Variants in KLHL25 observed in about 807,000 individuals in gnomAD.
The protein encoded by KLHL25 is kelch like family member 25.
Under a neutral mutation model 30.0 loss-of-function variants are expected in KLHL25, and 41 were observed. The observed-to-expected ratio is 1.37, with a 90% CI of 1.07 to 1.78. The LOEUF (loss-of-function observed/expected upper bound fraction) is 1.78. KLHL25 is among the 40% of genes most tolerant of loss of function. The pLI, the probability that KLHL25 is intolerant of heterozygous loss-of-function variation, is 0.00. For missense variants in KLHL25, 971 were observed against 824.5 expected, an observed-to-expected ratio of 1.18 and a Z score of -2.18; for synonymous variants, 399 against 355.3, an observed-to-expected ratio of 1.12 and a Z score of -1.38.
rs1205860725 is a variant in KLHL25 at position 85,768,055 on chromosome 15, G to A, written c.1756C>T (p.His586Tyr). 3 of 1,611,022 alleles carry A rather than the reference G, an allele frequency of 1.9e-6. No individual in the cohort carries two copies. The highest frequency in any genetic ancestry group is 2.2e-5 in the East Asian group (1 of 44,784). ...GCAGGTGCTCCTCACGCGGGCAGGTGCTTCCAGGTGCTGACAAAGGCCGTG... is the reference window on the plus strand; with the variant it reads ...GCAGGTGCTCCTCACGCGGGCAGGTACTTCCAGGTGCTGACAAAGGCCGTG... ...IPTAFVSTWK[H>Y]LPA Residue 586 changes from histidine (H) to tyrosine (Y), a missense_variant, in exon 2 of 3, where the codon CAC (histidine) becomes TAC (tyrosine). His to Tyr is a moderately conservative substitution (Grantham distance 83). Coordinates refer to ENST00000337975, the MANE Select transcript of KLHL25 (RefSeq NM_022480.4).
intron 1 of KLHL25, among the ~76,000 whole-genome samples, chr15:85,777,101 T>C (rs974391308): frequency 6.6e-6 from 1 of 152,202 alleles, no homozygotes; most frequent in African/African-American, 2.4e-5. Context: ...CCATGCCTCC[T>C]GCACAGGAAT....
In KLHL25 at chr15:85,769,364, G is replaced by C. The variant is rs371605505; in HGVS notation, c.447C>G (p.Cys149Trp). The C allele has an allele frequency of 6.2e-7, 1 of 1,614,174 alleles. No individual in the cohort carries two copies. Among genetic ancestry groups the C allele is most frequent in the Non-Finnish European group, 8.5e-7 (1 of 1,180,034 alleles). ...FLEKNLFPSN[C>W]LGMMLLSDAH... is the part of the protein sequence containing the mutation. ...CGTCCGAGAGCAGCATCATGCCCAG[G>C]CAGTTGGAGGGGAAAAGGTTCTTCT... Residue 149 changes from cysteine (C) to tryptophan (W), a missense_variant, in exon 2 of 3, where the codon TGC (cysteine) becomes TGG (tryptophan). Coordinates refer to ENST00000337975, the MANE Select transcript of KLHL25 (RefSeq NM_022480.4).
chr15:85,767,319 C>T lies in KLHL25; in HGVS notation c.*24+698G>A, dbSNP rs2089631688. Among the ~76,000 whole-genome samples, 6 of 152,036 alleles carry T rather than the reference C, an allele frequency of 3.9e-5. No individual in the cohort carries two copies. The South Asian group carries it at 1.2e-3, about 32-fold the overall frequency. The stretch of plus-strand genomic sequence containing the variant: ...TGACTTTCACATTGCCCAGGCTGGT[C>T]TTGAATTGGGCTCAAGCCATCTGCC... On this transcript the variant is annotated intron_variant, in intron 2 of 2. Coordinates refer to ENST00000337975, the MANE Select transcript of KLHL25 (RefSeq NM_022480.4).
chr15:85,773,956 C>T (rs1029905559), intron 1 of KLHL25, among the ~76,000 whole-genome samples: 13 of 152,162 alleles, frequency 8.5e-5, no homozygotes, highest in African/African-American at 3.1e-4. Context: ...TGTGTCCCTC[C>T]ACCCCTTCCA....
intron 2 of KLHL25, chr15:85,764,205 C>T (rs999606206): frequency 1.3e-5 from 2 of 152,324 alleles, no homozygotes; most frequent in African/African-American, 4.8e-5. Flanking sequence ...GAGAGCCCAG[C>T]TCACTCCCTG....
chr15:85,780,267 A>G (rs773194910), intron 1 of KLHL25, among the ~76,000 whole-genome samples: 6 of 152,204 alleles, frequency 3.9e-5, no homozygotes, highest in South Asian at 2.1e-4. Flanking sequence ...GGGACAAAGA[A>G]CTCAGCACTC....
chr15:85,770,525 G>C (rs375109488), intron 1 of KLHL25: 4 of 534,314 alleles, frequency 7.5e-6, no homozygotes, highest in Admixed American at 3.9e-5. Flanking sequence ...GTGCTCAGTG[G>C]AGACATGTTC....
At chr15:85,761,886 A>G (rs2151803803) in intron 2 of KLHL25, 1 of 152,372 alleles carries the variant, frequency 6.6e-6, no homozygotes, top group African/African-American at 2.4e-5. Context: ...GTTGTGTAAG[A>G]ACAAGAACAT....
At chr15:85,791,609 G>A (rs1296964040) in intron 1 of KLHL25, among the ~76,000 whole-genome samples, 2 of 152,224 alleles carry the variant, frequency 1.3e-5, no homozygotes, top group South Asian at 4.2e-4. Context: ...AGAGTGGCAA[G>A]AGAGGTAGGG....
intron 2 of KLHL25, among the ~76,000 whole-genome samples, chr15:85,766,751 C>T (rs946458361): frequency 2.6e-5 from 4 of 152,228 alleles, no homozygotes; most frequent in Admixed American, 2.0e-4. Context: ...CAGACACTCG[C>T]TCTGCAGGAA....
intron 1 of KLHL25, among the ~76,000 whole-genome samples, chr15:85,774,160 G>A (rs142162676): frequency 1.3e-5 from 2 of 152,254 alleles, no homozygotes; most frequent in African/African-American, 2.4e-5. Context: ...GCCTCCCTGT[G>A]CCCATGGCTC....
intron 1 of KLHL25, among the ~76,000 whole-genome samples, chr15:85,773,022 T>C (rs940422905): frequency 3.9e-5 from 6 of 152,222 alleles, no homozygotes; most frequent in Admixed American, 6.5e-5. Context: ...TGGCAGCCAC[T>C]CACTCACCGA....
intron 2 of KLHL25, 28 bp downstream of exon 2, chr15:85,767,989 G>C: frequency 6.8e-7 from 1 of 1,460,426 alleles, no homozygotes; most frequent in East Asian, 2.3e-5. Flanking sequence ...TCCGGACCCA[G>C]AGTGGCCGTG....
chr15:85,784,553 A>AAT (rs1367920330), intron 1 of KLHL25, among the ~76,000 whole-genome samples: 2 of 146,090 alleles, frequency 1.4e-5, no homozygotes, highest in Non-Finnish European at 3.1e-5. Flanking sequence ...AAAATAAAAA[A>AAT]AAAAGCAGAG....
At chr15:85,791,472 G>A (rs1445052841) in intron 1 of KLHL25, among the ~76,000 whole-genome samples, 1 of 152,212 alleles carries the variant, frequency 6.6e-6, no homozygotes, top group Non-Finnish European at 1.5e-5. Context: ...TCCAGCCTGG[G>A]CGACAGAGCG....
In KLHL25 at chr15:85,768,220, A is replaced by G; in HGVS notation, c.1591T>C (p.Cys531Arg). The G allele has an allele frequency of 1.9e-6, 3 of 1,614,196 alleles. No individual in the cohort carries two copies. Among genetic ancestry groups the G allele is most frequent in the East Asian group, 2.2e-5 (1 of 44,876 alleles). The change falls in exon 2 of 3, where the codon TGC becomes CGC. Residue 531 changes from cysteine to arginine, a missense_variant. By Grantham distance (180) the Cys-to-Arg change is radical. Transcript: ENST00000337975. ...IGDMTAKRMS[C>R]HALASGNKLY... ...TTGTTGCCGGAAGCCAGGGCATGGC[A>G]GGACATGCGCTTGGCAGTCATGTCC... is the stretch of plus-strand genomic sequence containing the variant.
At chr15:85,793,349 G>A (rs1033126031) in intron 1 of KLHL25, among the ~76,000 whole-genome samples, 1 of 152,110 alleles carries the variant, frequency 6.6e-6, no homozygotes, top group African/African-American at 2.4e-5. Flanking sequence ...GTCACTGCCT[G>A]ACAAATGACT....
chr15:85,778,837 C>T (rs1471914207), intron 1 of KLHL25, among the ~76,000 whole-genome samples: 1 of 152,140 alleles, frequency 6.6e-6, no homozygotes, highest in African/African-American at 2.4e-5. Flanking sequence ...TCTGTGCAAC[C>T]AGGACAGAGG....
intron 1 of KLHL25, among the ~76,000 whole-genome samples, chr15:85,783,837 G>C (rs1258349113): frequency 6.6e-6 from 1 of 152,180 alleles, no homozygotes; most frequent in East Asian, 1.9e-4. Flanking sequence ...TAGATGCTAA[G>C]AGTCCCTGGT....
Sources: allele counts gnomAD v4.1 joint callset (sites outside exome capture counted in the v4.1 genomes callset), GRCh38; gene constraint gnomAD v4.1.1; transcripts MANE v1.5; gene names NCBI Gene and HGNC (gene_info 2026-07-23, HGNC 2026-07-21).